The following PPARGC1B variants were observed in gnomAD, a reference collection of about 807,000 sequenced individuals.
The protein encoded by PPARGC1B is PPARG coactivator 1 beta, also known as peroxisome proliferator-activated receptor gamma coactivator 1-beta.
A neutral mutation model predicts 101.6 loss-of-function variants in PPARGC1B; 34 were observed. The observed-to-expected ratio is 0.33, with a 90% confidence interval of 0.25 to 0.45. The LOEUF is 0.45. Among genes scored for constraint, PPARGC1B ranks in the 20% least tolerant of loss-of-function variants. The probability of loss-of-function intolerance (pLI) is 1.00; values close to 1 mark genes in which losing one functional copy is unlikely to be tolerated. For missense variants in PPARGC1B, 1,234 were observed against 1,317.6 expected, an observed-to-expected ratio of 0.94 and a Z score of 0.98; for synonymous variants, 548 against 539.3, an observed-to-expected ratio of 1.02 and a Z score of -0.22.
chr5:149,806,133 G>T (rs558924418), intron 1 of PPARGC1B, among the ~76,000 whole-genome samples: 278 of 152,346 alleles, frequency 1.8e-3, no homozygotes, highest in African/African-American at 6.5e-3. Context: ...CTACTGGGAA[G>T]GGGGAATCGC....
Position 149,755,040 on chromosome 5 carries a change from CATATACATATACAT to C in PPARGC1B, c.78+24626_78+24639del, listed in dbSNP as rs1374309161. Among the ~76,000 whole-genome samples, 109 of 85,252 alleles carry C rather than the reference CATATACATATACAT, an allele frequency of 1.3e-3. 1 individual carries two copies. Among genetic ancestry groups the C allele is most frequent in the Admixed American group, 1.4e-3 (14 of 9,794 alleles). 55.9% of individuals were successfully genotyped at this position (85,252 alleles called of 152,430 possible). On this transcript the variant is annotated intron_variant, in intron 1 of 11. Coordinates refer to ENST00000309241, the MANE Select transcript of PPARGC1B (RefSeq NM_133263.4). ...TACCCACACATATACACTACATATA[CATATACATATACAT>C]ATATATATATATATATATAATTTTT... is the stretch of plus-strand genomic sequence containing the variant.
At chr5:149,740,126 G>C (rs186779123) in intron 1 of PPARGC1B, 1 of 152,346 alleles carries the variant, frequency 6.6e-6, no homozygotes, top group East Asian at 1.9e-4. Flanking sequence ...GGTGTTTTAG[G>C]TAAGAAAACA....
rs925701490 is a variant in PPARGC1B, at chr5:149,732,077, T to C, written c.78+1657T>C. 1.6e-3 allele frequency among the ~76,000 whole-genome samples: 212 copies of C among 134,366 alleles called. 1 individual carries two copies. Among genetic ancestry groups the C allele is most frequent in the Non-Finnish European group, 7.8e-4 (48 of 61,534 alleles). 88.1% of individuals were successfully genotyped at this position (134,366 alleles called of 152,430 possible). On this transcript the variant is annotated intron_variant, in intron 1 of 11. Transcript: ENST00000309241. ...GTGTGTGTGTGTGTGTGTGTGTGTG[T>C]GCACACGCCGCGCGCGCCGGGCGCG...
chr5:149,833,235 C>T lies in PPARGC1B; in HGVS notation c.1162C>T (p.Pro388Ser), dbSNP rs1371013054. 4 of 1,613,364 alleles carry T rather than the reference C, an allele frequency of 2.5e-6. No individual in the cohort carries two copies. The part of the protein sequence containing the change: ...PKDSQASPGR[P>S]SSVEEVRIAA... The stretch of plus-strand genomic sequence containing the variant: ...AGACAGTCAGGCCTCCCCTGGTCGC[C>T]CGTCCTCGGTGGAGGAGGTAAGGAT... The change falls in exon 5 of 12, where the codon CCG (proline) becomes TCG (serine). Residue 388 changes from proline (P) to serine (S), a missense_variant. Physicochemically the swap from Pro to Ser is moderately conservative, Grantham distance 74. This residue lies in a region of PPARGC1B where 734 missense variants were observed against 768.4 expected (regional missense o/e 0.96). Transcript: ENST00000309241. This position sits in a 1 kb window ranked among gnomAD's most constrained non-coding sequence, Gnocchi z 4.1.
rs564899412 is a variant in PPARGC1B, at chr5:149,847,810, G to T, written c.*252G>T. 1 of 494,330 alleles carries T rather than the reference G, an allele frequency of 2.0e-6. No homozygotes were observed. The highest frequency in any genetic ancestry group is 3.3e-5 in the East Asian group (1 of 30,134). The allele number at this position is 494,330 out of a possible 1,614,324, so 30.6% of individuals were successfully genotyped here. On this transcript the variant is annotated 3_prime_UTR_variant, in exon 12 of 12. Coordinates refer to ENST00000309241, the MANE Select transcript of PPARGC1B (RefSeq NM_133263.4). ...ACATTAGTGTCCTCGCTTCCAACGG[G>T]TTGTCCCGGGTGCACCTCGAAGTGC...
intron 1 of PPARGC1B, among the ~76,000 whole-genome samples, chr5:149,797,269 G>A (rs560003841): frequency 1.3e-5 from 2 of 152,268 alleles, no homozygotes; most frequent in East Asian, 3.9e-4. Flanking sequence ...TAAACCTCAC[G>A]TTTAAGGGGT....
At chr5:149,842,470 G>A (rs41287086) in intron 10 of PPARGC1B, 93 bp downstream of exon 10, 31,804 of 1,539,106 alleles carry the variant, frequency 0.021, 420 homozygotes, top group Non-Finnish European at 0.025. Context: ...CAAGATTTGT[G>A]AAATGAATCT....
chr5:149,777,686 T>C (rs1756417061), intron 1 of PPARGC1B, among the ~76,000 whole-genome samples: 1 of 151,908 alleles, frequency 6.6e-6, no homozygotes, highest in South Asian at 2.1e-4. Flanking sequence ...CATCTTGCCT[T>C]CTTTGGTCCT....
At chr5:149,764,681 CTTAT>C (rs2113164638) in intron 1 of PPARGC1B, among the ~76,000 whole-genome samples, 1 of 152,252 alleles carries the variant, frequency 6.6e-6, no homozygotes, top group East Asian at 1.9e-4. Flanking sequence ...ATTTTAATAA[CTTAT>C]TTAAATGCAC....
intron 1 of PPARGC1B, among the ~76,000 whole-genome samples, chr5:149,794,939 G>A (rs1757157195): frequency 6.6e-6 from 1 of 152,218 alleles, no homozygotes; most frequent in Admixed American, 6.5e-5. Flanking sequence ...TTGCCCCACT[G>A]ATGTGTGCCC....
At chr5:149,809,469 A>G (rs1381979549) in intron 1 of PPARGC1B, among the ~76,000 whole-genome samples, 2 of 129,360 alleles carry the variant, frequency 1.5e-5, no homozygotes, top group Non-Finnish European at 3.4e-5. Context: ...AGATAGATCC[A>G]TCTCTACCAT....
At chr5:149,838,254 A>G (rs1759189321) in intron 8 of PPARGC1B, among the ~76,000 whole-genome samples, 1 of 152,212 alleles carries the variant, frequency 6.6e-6, no homozygotes, top group Non-Finnish European at 1.5e-5. Context: ...ATACACATCT[A>G]ACTGGGCATT....
At chr5:149,750,092 T>G (rs960967467) in intron 1 of PPARGC1B, among the ~76,000 whole-genome samples, 1 of 152,166 alleles carries the variant, frequency 6.6e-6, no homozygotes, top group African/African-American at 2.4e-5. Flanking sequence ...CTGACTTCTC[T>G]TTGAACTGTA....
intron 1 of PPARGC1B, among the ~76,000 whole-genome samples, chr5:149,786,971 C>A (rs1361277945): frequency 6.6e-6 from 1 of 152,122 alleles, no homozygotes; most frequent in African/African-American, 2.4e-5. Flanking sequence ...CAAAGTCACC[C>A]CCGCAAAAAG....
chr5:149,841,087 A>G (rs560728252), intron 9 of PPARGC1B, among the ~76,000 whole-genome samples: 2 of 152,352 alleles, frequency 1.3e-5, no homozygotes, highest in East Asian at 1.9e-4. Flanking sequence ...TAATAGACTC[A>G]TAAACAAAGG....
chr5:149,751,362 A>T (rs575960437), intron 1 of PPARGC1B, among the ~76,000 whole-genome samples: 14 of 152,308 alleles, frequency 9.2e-5, no homozygotes, highest in African/African-American at 3.1e-4. Flanking sequence ...AATGATATGC[A>T]TTAATTTATT....
chr5:149,774,429 G>A (rs1433644959), intron 1 of PPARGC1B, among the ~76,000 whole-genome samples: 1 of 152,160 alleles, frequency 6.6e-6, no homozygotes, highest in Non-Finnish European at 1.5e-5. Flanking sequence ...GCATTTAGCA[G>A]TGAGCCGGGC....
At chr5:149,753,465 C>G (rs909175057) in intron 1 of PPARGC1B, among the ~76,000 whole-genome samples, 4 of 152,080 alleles carry the variant, frequency 2.6e-5, no homozygotes, top group Admixed American at 2.6e-4. Flanking sequence ...ACCTCGGCCT[C>G]CCAAAATGCT....
intron 1 of PPARGC1B, among the ~76,000 whole-genome samples, chr5:149,753,540 A>AT (rs1212615216): frequency 6.6e-6 from 1 of 151,842 alleles, no homozygotes. Context: ...AGTTAAAAAA[A>AT]TTTTTTTTAA....
Sources: gnomAD v4.1 joint callset for allele counts (sites outside exome capture counted in the v4.1 genomes callset) on GRCh38, gnomAD v4.1.1 for gene constraint, gnomAD v4.1.1 regional missense constraint, Gnocchi (gnomAD v3.1) non-coding constraint, MANE v1.5 for transcripts, NCBI Gene and HGNC (gene_info 2026-07-23, HGNC 2026-07-21) for gene names.